The following LRRTM4 variants were observed in gnomAD, a reference collection of about 807,000 sequenced individuals.
LRRTM4 encodes the protein leucine-rich repeat transmembrane neuronal protein 4.
LRRTM4 carries 25 observed loss-of-function variants against 47.6 expected under a neutral mutation model. The ratio of observed to expected loss-of-function variants is 0.53; its 90% CI spans 0.38 to 0.73. The LOEUF is 0.73. Ranked by LOEUF, LRRTM4 falls within the 30% of genes least tolerant of loss-of-function variation. The probability of loss-of-function intolerance (pLI) is 0.00; values close to 1 mark genes in which losing one functional copy is unlikely to be tolerated. For synonymous variants in LRRTM4, 311 were observed against 269.5 expected, an observed-to-expected ratio of 1.15 and a Z score of -1.51; for missense variants, 638 against 713.4, an observed-to-expected ratio of 0.89 and a Z score of 1.20.
At chr2:77,131,271 T>A (rs1289492340) in intron 3 of LRRTM4, among the ~76,000 whole-genome samples, 1 of 152,126 alleles carries the variant, frequency 6.6e-6, no homozygotes, top group Non-Finnish European at 1.5e-5. Context: ...ATGGGGTAGG[T>A]ATTAGTGTTA....
At chr2:76,989,488 AC>A (rs897063355) in intron 3 of LRRTM4, among the ~76,000 whole-genome samples, 9 of 151,922 alleles carry the variant, frequency 5.9e-5, no homozygotes, top group African/African-American at 2.2e-4. Flanking sequence ...TGGATATAGT[AC>A]CAAAAAGGAT....
intron 3 of LRRTM4, among the ~76,000 whole-genome samples, chr2:77,075,392 C>G (rs1178845700): frequency 6.6e-6 from 1 of 152,002 alleles, no homozygotes; most frequent in Non-Finnish European, 1.5e-5. Context: ...TTTCTTCAGA[C>G]TAAATAAAAC....
At chr2:77,395,420 T>G (rs1673664679) in intron 3 of LRRTM4, among the ~76,000 whole-genome samples, 1 of 151,986 alleles carries the variant, frequency 6.6e-6, no homozygotes, top group African/African-American at 2.4e-5. Flanking sequence ...ATCTACTTTC[T>G]GAAGGTGGTT....
chr2:77,034,729 A>G (rs1426740615), intron 3 of LRRTM4, among the ~76,000 whole-genome samples: 1 of 151,924 alleles, frequency 6.6e-6, no homozygotes, highest in Non-Finnish European at 1.5e-5. Flanking sequence ...CAGGAAGTGT[A>G]TCACGTCTGC....
At chr2:76,959,002 C>T (rs1395425405) in intron 3 of LRRTM4, among the ~76,000 whole-genome samples, 1 of 151,490 alleles carries the variant, frequency 6.6e-6, no homozygotes, top group Non-Finnish European at 1.5e-5. Context: ...GCCACACGGT[C>T]ATTGTTTTTC....
chr2:76,816,819 G>GTTTTTT lies in LRRTM4; in HGVS notation c.1552-67909_1552-67904dup, dbSNP rs201525166. 1.4e-3 allele frequency among the ~76,000 whole-genome samples: 139 copies of GTTTTTT among 96,492 alleles called. 6 individuals carry two copies. The highest frequency in any genetic ancestry group is 2.1e-3 in the Non-Finnish European group (82 of 39,882). The allele number at this position is 96,492 out of a possible 152,430, so 63.3% of individuals were successfully genotyped here. ...CACTGCTTTTACTTAGAGGTAAAGAGTTTTTTTTTTTTTTTTTTTTTTTTT... is the reference window on the plus strand; with the variant it reads ...CACTGCTTTTACTTAGAGGTAAAGAGTTTTTTTTTTTTTTTTTTTTTTTTTTTTTTT... On this transcript the variant is annotated intron_variant, in intron 3 of 3. Transcript: ENST00000409884.
intron 3 of LRRTM4, among the ~76,000 whole-genome samples, chr2:77,360,807 C>T (rs1200628737): frequency 6.6e-6 from 1 of 152,056 alleles, no homozygotes; most frequent in Admixed American, 6.5e-5. Flanking sequence ...ATTGATCTCT[C>T]CAGGATACTC....
chr2:77,296,481 T>C (rs1212538037), intron 3 of LRRTM4, among the ~76,000 whole-genome samples: 1 of 152,200 alleles, frequency 6.6e-6, no homozygotes, highest in Non-Finnish European at 1.5e-5. Context: ...GTTAATTTTA[T>C]CTATGGTACG....
At chr2:77,509,439 C>G (rs1457980940) in intron 3 of LRRTM4, among the ~76,000 whole-genome samples, 1 of 151,916 alleles carries the variant, frequency 6.6e-6, no homozygotes, top group Admixed American at 6.6e-5. Flanking sequence ...TTTTACAAAT[C>G]CTGGGGTATT....
chr2:76,807,445 C>CATATATATATACATATATATATACGT (rs1670541084), intron 3 of LRRTM4, among the ~76,000 whole-genome samples: 6 of 69,308 alleles, frequency 8.7e-5, no homozygotes, highest in Admixed American at 8.2e-4. Flanking sequence ...TACGTATATA[C>CATATATATATACATATATATATACGT]ATATATATAT....
intron 3 of LRRTM4, among the ~76,000 whole-genome samples, chr2:76,969,456 G>C (rs1177625501): frequency 6.6e-6 from 1 of 151,862 alleles, no homozygotes; most frequent in Admixed American, 6.6e-5. Context: ...AAAGTTGTAA[G>C]AGCAGATCTA....
In LRRTM4 at chr2:77,518,839, G is replaced by C. The variant is rs549608703; in HGVS notation, c.1030C>G (p.His344Asp). Residue 344 changes from histidine (H) to aspartate (D), a missense_variant, in exon 3 of 4, where the codon CAC (histidine) becomes GAC (aspartate). His to Asp is a moderately conservative substitution (Grantham distance 81, BLOSUM62 -1). Coordinates refer to ENST00000409884, the MANE Select transcript of LRRTM4 (RefSeq NM_001134745.3). ...ESTMICAGPKHIQGEKVSDAV... is the reference protein window; with the variant it reads ...ESTMICAGPKDIQGEKVSDAV... ...TCACTAACCTTTTCACCCTGGATGTGCTTAGGTCCCGCACATATCATGGTG... is the reference window on the plus strand; with the variant it reads ...TCACTAACCTTTTCACCCTGGATGTCCTTAGGTCCCGCACATATCATGGTG... 2.5e-6 allele frequency: 4 copies of C among 1,609,588 alleles called. No homozygotes were observed. The South Asian group carries it at 4.4e-5, about 18-fold the overall frequency.
intron 3 of LRRTM4, among the ~76,000 whole-genome samples, chr2:76,761,937 ATT>A (rs1321467202): frequency 6.6e-6 from 1 of 152,196 alleles, no homozygotes; most frequent in African/African-American, 2.4e-5. Context: ...AATAATAAGC[ATT>A]GTCACATAAT....
At chr2:77,045,304 A>T (rs1426811847) in intron 3 of LRRTM4, among the ~76,000 whole-genome samples, 1 of 151,918 alleles carries the variant, frequency 6.6e-6, no homozygotes, top group Non-Finnish European at 1.5e-5. Flanking sequence ...CAGTTTCAAC[A>T]GTTGTCTTTT....
intron 3 of LRRTM4, among the ~76,000 whole-genome samples, chr2:76,863,788 A>G (rs7573386): frequency 0.095 from 14,508 of 152,204 alleles, 1,829 homozygotes; most frequent in African/African-American, 0.29. Flanking sequence ...TACCAGTTTG[A>G]TTTTTAACAA....
chr2:77,240,346 T>C (rs766345334), intron 3 of LRRTM4, among the ~76,000 whole-genome samples: 1 of 151,980 alleles, frequency 6.6e-6, no homozygotes, highest in Non-Finnish European at 1.5e-5. Flanking sequence ...TATGCCAAGT[T>C]AAACATCAAT....
intron 3 of LRRTM4, among the ~76,000 whole-genome samples, chr2:77,182,116 G>T (rs1193121861): frequency 6.6e-6 from 1 of 152,060 alleles, no homozygotes; most frequent in Non-Finnish European, 1.5e-5. Context: ...AAAGATACAT[G>T]CACACATATA....
chr2:77,333,016 T>G (rs1374349731), intron 3 of LRRTM4, among the ~76,000 whole-genome samples: 1 of 152,228 alleles, frequency 6.6e-6, no homozygotes. Context: ...AGTCTCATGA[T>G]ATCTGATAGC....
intron 3 of LRRTM4, among the ~76,000 whole-genome samples, chr2:77,131,123 C>A (rs896285997): frequency 6.6e-6 from 1 of 152,044 alleles, no homozygotes; most frequent in African/African-American, 2.4e-5. Context: ...CGTCAGCCAC[C>A]GCGCCCGGCC....
Sources: allele counts gnomAD v4.1 joint callset (sites outside exome capture counted in the v4.1 genomes callset), GRCh38; gene constraint gnomAD v4.1.1; transcripts MANE v1.5; gene names NCBI Gene and HGNC (gene_info 2026-07-23, HGNC 2026-07-21).